HS3ST4: variants seen among roughly 807,000 people sequenced by gnomAD.
HS3ST4 encodes heparan sulfate glucosamine 3-O-sulfotransferase 4.
Under a neutral mutation model 29.2 loss-of-function variants are expected in HS3ST4, and 17 were observed. That is an observed-to-expected ratio of 0.58 (90% CI 0.40 to 0.87). HS3ST4 has a LOEUF of 0.87. HS3ST4 is among the 40% of genes least tolerant of loss of function. The pLI is 0.00. For missense variants in HS3ST4, 627 were observed against 634.5 expected (o/e 0.99, Z 0.13); for synonymous variants, 314 against 285.7 (o/e 1.10, Z -1.00).
At position 25,787,538 on chromosome 16, in the gene HS3ST4, C is replaced by T. The variant is rs574574694; in HGVS notation, c.734+94387C>T. Among the ~76,000 whole-genome samples, 50 of 152,296 alleles carry T rather than the reference C, an allele frequency of 3.3e-4. 1 individual carries two copies. The South Asian group carries it at 8.7e-3, about 27-fold the overall frequency. On this transcript the variant is annotated intron_variant, in intron 1 of 1. Coordinates refer to ENST00000331351, the MANE Select transcript of HS3ST4 (RefSeq NM_006040.3). ...TTTGTAACCTCTCCCTAAATCTGTT[C>T]TTCTAAAATAGGGATATGCTGCTGC...
chr16:25,726,430 A>G (rs1445926018), intron 1 of HS3ST4, among the ~76,000 whole-genome samples: 1 of 152,168 alleles, frequency 6.6e-6, no homozygotes, highest in Non-Finnish European at 1.5e-5. Flanking sequence ...GCAGTGAACA[A>G]ATGGGTATGA....
At chr16:25,777,852 A>G (rs1185160016) in intron 1 of HS3ST4, among the ~76,000 whole-genome samples, 8 of 152,094 alleles carry the variant, frequency 5.3e-5, no homozygotes, top group African/African-American at 7.2e-5. Context: ...CAATATGCCA[A>G]TATAGAATGC....
intron 1 of HS3ST4, among the ~76,000 whole-genome samples, chr16:26,046,686 T>C (rs1225708058): frequency 2.0e-5 from 3 of 152,076 alleles, no homozygotes; most frequent in Non-Finnish European, 4.4e-5. Context: ...CAGCTTCATG[T>C]AGAGAAATTT....
rs191659189 is a variant in HS3ST4, at chr16:26,132,520, T to A, written c.735-3092T>A. On this transcript the variant is annotated intron_variant, in intron 1 of 1. Coordinates refer to ENST00000331351, the MANE Select transcript of HS3ST4 (RefSeq NM_006040.3). ...ATTTCCTTTTGCAACAAGCAGTAAG[T>A]TAGGCACACATCTACTCTGCTAAAT... 3.5e-3 allele frequency among the ~76,000 whole-genome samples: 540 copies of A among 152,308 alleles called. 3 individuals carry two copies. The highest frequency in any genetic ancestry group is 0.012 in the African/African-American group (514 of 41,568).
At position 25,788,540 on chromosome 16, in the gene HS3ST4, C is replaced by CTTTTTTTTTTTTT. The variant is rs34729954; in HGVS notation, c.734+95392_734+95393insTTTTTTTTTTTTT. Among the ~76,000 whole-genome samples the CTTTTTTTTTTTTT allele has an allele frequency of 4.0e-5, 4 of 99,066 alleles. 1 individual carries two copies. Among genetic ancestry groups the CTTTTTTTTTTTTT allele is most frequent in the African/African-American group, 4.2e-5 (1 of 24,042 alleles). 65.0% of individuals were successfully genotyped at this position (99,066 alleles called of 152,430 possible). ...TTCCTACATTTTTTTTTCTTTTCTT[C>CTTTTTTTTTTTTT]TTTCTTTTTTTTTTTTTTTTGACAG... On this transcript the variant is annotated intron_variant, in intron 1 of 1. Coordinates refer to ENST00000331351, the MANE Select transcript of HS3ST4 (RefSeq NM_006040.3).
At chr16:25,745,941 A>C (rs1966682651) in intron 1 of HS3ST4, among the ~76,000 whole-genome samples, 1 of 152,208 alleles carries the variant, frequency 6.6e-6, no homozygotes. Context: ...ATTGAAACAC[A>C]ATGTCCACTG....
intron 1 of HS3ST4, among the ~76,000 whole-genome samples, chr16:25,949,377 C>A (rs946555902): frequency 2.0e-5 from 3 of 152,184 alleles, no homozygotes; most frequent in Non-Finnish European, 4.4e-5. Context: ...CCACCACTGC[C>A]CTTCCCAGTC....
At chr16:25,931,249 A>G (rs899094839) in intron 1 of HS3ST4, among the ~76,000 whole-genome samples, 1 of 152,224 alleles carries the variant, frequency 6.6e-6, no homozygotes, top group Admixed American at 6.5e-5. Flanking sequence ...GAAGACTTGA[A>G]GGAAGAACAG....
In HS3ST4 at chr16:26,136,077, A is replaced by C. The variant is rs371554362; in HGVS notation, c.1200A>C (p.Pro400=). 3.1e-6 allele frequency: 5 copies of C among 1,613,710 alleles called. No individual in the cohort carries two copies. The highest frequency in any genetic ancestry group is 2.5e-6 in the Non-Finnish European group (3 of 1,179,828). ...KTKGFPCLKK[P]EDSSAPRCLG... ...AGGGGTTCCCTTGCCTAAAGAAGCC[A>C]GAAGACAGCAGTGCCCCGAGGTGCT... The change falls in exon 2 of 2, where the codon CCA becomes CCC. Residue 400 remains proline, a synonymous_variant. Coordinates refer to ENST00000331351, the MANE Select transcript of HS3ST4 (RefSeq NM_006040.3).
chr16:25,910,815 T>A (rs1335883806), intron 1 of HS3ST4, among the ~76,000 whole-genome samples: 6 of 151,998 alleles, frequency 3.9e-5, no homozygotes, highest in African/African-American at 1.5e-4. Context: ...TAGAATATTA[T>A]TATGGTAATG....
intron 1 of HS3ST4, among the ~76,000 whole-genome samples, chr16:26,033,973 T>C (rs978074042): frequency 4.6e-5 from 7 of 152,186 alleles, no homozygotes; most frequent in African/African-American, 1.7e-4. Flanking sequence ...ATAGTATTGC[T>C]TAACAAATAT....
intron 1 of HS3ST4, among the ~76,000 whole-genome samples, chr16:26,085,514 A>G (rs1429608236): frequency 2.6e-5 from 3 of 114,082 alleles, no homozygotes; most frequent in Non-Finnish European, 3.9e-5. Context: ...AAAAACATAT[A>G]TATATATATG....
chr16:25,781,317 A>G (rs911723893), intron 1 of HS3ST4, among the ~76,000 whole-genome samples: 2 of 152,212 alleles, frequency 1.3e-5, no homozygotes, highest in African/African-American at 4.8e-5. Flanking sequence ...GGAGTTTCCC[A>G]TACACACCAG....
chr16:26,116,655 T>C (rs1381015343), intron 1 of HS3ST4, among the ~76,000 whole-genome samples: 1 of 152,206 alleles, frequency 6.6e-6, no homozygotes, highest in East Asian at 1.9e-4. Context: ...TTCAATGATA[T>C]CAGGATATGC....
chr16:26,093,420 T>A (rs1898882314), intron 1 of HS3ST4, among the ~76,000 whole-genome samples: 1 of 152,206 alleles, frequency 6.6e-6, no homozygotes, highest in Non-Finnish European at 1.5e-5. Context: ...TATTTGCTGT[T>A]CTGCAATATT....
chr16:26,081,499 T>C (rs1417547357), intron 1 of HS3ST4, among the ~76,000 whole-genome samples: 1 of 151,564 alleles, frequency 6.6e-6, no homozygotes, highest in Admixed American at 6.6e-5. Context: ...CCCTGAGGAG[T>C]TTATGCAAGT....
At chr16:25,931,150 C>T (rs544613556) in intron 1 of HS3ST4, among the ~76,000 whole-genome samples, 12 of 152,146 alleles carry the variant, frequency 7.9e-5, no homozygotes, top group African/African-American at 2.2e-4. Context: ...CTTTGGGGAC[C>T]GCGTACCTTT....
intron 1 of HS3ST4, among the ~76,000 whole-genome samples, chr16:26,112,501 G>A (rs1266729344): frequency 7.0e-5 from 10 of 143,154 alleles, no homozygotes; most frequent in African/African-American, 2.6e-4. Context: ...AGAAACAAAA[G>A]TGAACTACTA....
chr16:26,037,923 A>G (rs536866113), intron 1 of HS3ST4, among the ~76,000 whole-genome samples: 105 of 152,316 alleles, frequency 6.9e-4, no homozygotes, highest in African/African-American at 2.5e-3. Context: ...TTCTCAGCAG[A>G]GTAGCCAGAG....
Sources: gnomAD v4.1 joint callset for allele counts (sites outside exome capture counted in the v4.1 genomes callset) on GRCh38, gnomAD v4.1.1 for gene constraint, MANE v1.5 for transcripts, NCBI Gene and HGNC (gene_info 2026-07-23, HGNC 2026-07-21) for gene names.